The following OR10H5 variants were observed in gnomAD, a reference collection of about 807,000 sequenced individuals.
The protein encoded by OR10H5 is olfactory receptor 10H5.
Under a neutral mutation model 12.2 loss-of-function variants are expected in OR10H5, and 7 were observed. The ratio of observed to expected loss-of-function variants is 0.57; its 90% CI spans 0.33 to 1.07. OR10H5 has a LOEUF of 1.07. Among genes scored for constraint, OR10H5 ranks in the 50% least tolerant of loss-of-function variants. OR10H5 has a pLI of 0.04. For synonymous variants in OR10H5, 159 were observed against 175.1 expected (o/e 0.91, Z 0.73); for missense variants, 346 against 411.6 (o/e 0.84, Z 1.38).
intron 1 of OR10H5, among the ~76,000 whole-genome samples, chr19:15,789,350 G>A (rs1455467230): frequency 2.0e-5 from 3 of 152,190 alleles, no homozygotes; most frequent in Non-Finnish European, 2.9e-5. Context: ...GCATCTGTGT[G>A]TTCAGTTGTA....
At chr19:15,793,787 G>A (rs2088820291) in intron 1 of OR10H5, among the ~76,000 whole-genome samples, 1 of 152,164 alleles carries the variant, frequency 6.6e-6, no homozygotes, top group African/African-American at 2.4e-5. Context: ...GCTGAGGCAG[G>A]AGAATCACTT....
chr19:15,800,087 C>T lies in OR10H5; in HGVS notation c.*5091C>T, dbSNP rs1027214782. On this transcript the variant is annotated 3_prime_UTR_variant, in exon 2 of 2. Coordinates refer to ENST00000642092, the MANE Select transcript of OR10H5 (RefSeq NM_001004466.2). ...CCTTCGGTCTTCCTGAGGGTCACCT[C>T]CTCAGAAAGCTCTTTCCTGACTTCT... 1 of 152,178 alleles carries T rather than the reference C, an allele frequency of 6.6e-6. No individual in the cohort carries two copies. Among genetic ancestry groups the T allele is most frequent in the African/African-American group, 2.4e-5 (1 of 41,406 alleles). The allele number at this position is 152,178 out of a possible 1,614,324, so 9.4% of individuals were successfully genotyped here.
At position 15,794,683 on chromosome 19, in the gene OR10H5, T is replaced by C. The variant is rs2088829829; in HGVS notation, c.635T>C (p.Phe212Ser). ...TGTATCACGGCCCTGCTGGGCTGTT[T>C]TCTCCTCATCCTCCTCTCCTATGCC... ...LVCITALLGC[F>S]LLILLSYAFI... The change falls in exon 2 of 2, where the codon TTT (phenylalanine) becomes TCT (serine). Residue 212 changes from phenylalanine (F) to serine (S), a missense_variant. Coordinates refer to ENST00000642092, the MANE Select transcript of OR10H5 (RefSeq NM_001004466.2). 6.2e-7 allele frequency: 1 copy of C among 1,614,006 alleles called. No homozygotes were observed. Among genetic ancestry groups the C allele is most frequent in the African/African-American group, 1.3e-5 (1 of 74,934 alleles).
At chr19:15,793,758 A>C (rs1254993568) in intron 1 of OR10H5, among the ~76,000 whole-genome samples, 1 of 152,136 alleles carries the variant, frequency 6.6e-6, no homozygotes, top group Admixed American at 6.5e-5. Context: ...ACATGCCTGT[A>C]ATCCCAGCTA....
Position 15,795,185 on chromosome 19 carries a change from C to G in OR10H5, c.*189C>G. 1.8e-6 allele frequency: 1 copy of G among 557,086 alleles called. No homozygotes were observed. The highest frequency in any genetic ancestry group is 3.1e-6 in the Non-Finnish European group (1 of 327,484). The allele number at this position is 557,086 out of a possible 1,614,324, so 34.5% of individuals were successfully genotyped here. A position where few individuals can be genotyped will look rare whatever the true frequency, so the allele number is the denominator to read the frequency against. On this transcript the variant is annotated 3_prime_UTR_variant, in exon 2 of 2. Coordinates refer to ENST00000642092, the MANE Select transcript of OR10H5 (RefSeq NM_001004466.2). ...CACCCTCCCTCCCCCCTCCTCCTTG[C>G]CTTCCTTCCATCCTTCCTCCCTCCC...
chr19:15,795,195 ATCCT>A lies in OR10H5; in HGVS notation c.*204_*207del. The A allele has an allele frequency of 2.3e-6, 1 of 427,026 alleles. No individual in the cohort carries two copies. Among genetic ancestry groups the A allele is most frequent in the Non-Finnish European group, 3.9e-6 (1 of 253,770 alleles). 26.5% of individuals were successfully genotyped at this position (427,026 alleles called of 1,614,324 possible). On this transcript the variant is annotated 3_prime_UTR_variant, in exon 2 of 2. Coordinates refer to ENST00000642092, the MANE Select transcript of OR10H5 (RefSeq NM_001004466.2). Reference sequence around the variant, plus strand: ...CCCCCCTCCTCCTTGCCTTCCTTCCATCCTTCCTCCCTCCCTCCCTCCCCCTTCC... The same window carrying A: ...CCCCCCTCCTCCTTGCCTTCCTTCCATCCTCCCTCCCTCCCTCCCCCTTCC...
rs1026944414 is a variant in OR10H5, at chr19:15,797,495, G to T, written c.*2499G>T. 1.3e-5 allele frequency: 2 copies of T among 152,146 alleles called. No individual in the cohort carries two copies. Among genetic ancestry groups the T allele is most frequent in the African/African-American group, 4.8e-5 (2 of 41,434 alleles). The allele number at this position is 152,146 out of a possible 1,614,324, so 9.4% of individuals were successfully genotyped here. Reference sequence around the variant, plus strand: ...AAGCGAGCCAGCTTGCTGTAGTTTGGTTGACCAATGTCCATGCATTCTGAA... The same window carrying T: ...AAGCGAGCCAGCTTGCTGTAGTTTGTTTGACCAATGTCCATGCATTCTGAA... On this transcript the variant is annotated 3_prime_UTR_variant, in exon 2 of 2. Transcript: ENST00000642092.
chr19:15,787,667 G>C lies in OR10H5; in HGVS notation c.-61G>C, dbSNP rs2144924418. 6.6e-6 allele frequency: 1 copy of C among 152,460 alleles called. No individual in the cohort carries two copies. Among genetic ancestry groups the C allele is most frequent in the Admixed American group, 6.5e-5 (1 of 15,300 alleles). The allele number at this position is 152,460 out of a possible 1,614,324, so 9.4% of individuals were successfully genotyped here. Reference sequence around the variant, plus strand: ...TCTCACCCTGGGTGCACTGTGCCCAGGGCCATTACAGGCCTGGCTGCAAGG... The same window carrying C: ...TCTCACCCTGGGTGCACTGTGCCCACGGCCATTACAGGCCTGGCTGCAAGG... On this transcript the variant is annotated 5_prime_UTR_variant, in exon 1 of 2. Transcript: ENST00000642092.
chr19:15,792,452 A>G (rs887371233), intron 1 of OR10H5, among the ~76,000 whole-genome samples: 3 of 152,052 alleles, frequency 2.0e-5, no homozygotes, highest in African/African-American at 4.8e-5. Flanking sequence ...CCGGCCCTCA[A>G]TCTTAAATTC....
chr19:15,791,744 G>A (rs2088810326), intron 1 of OR10H5, among the ~76,000 whole-genome samples: 1 of 151,218 alleles, frequency 6.6e-6, no homozygotes, highest in African/African-American at 2.4e-5. Flanking sequence ...CCAGGCTGGA[G>A]TGCAGTGGCG....
chr19:15,793,966 T>C, intron 1 of OR10H5, 72 bp from the exon 2 acceptor site: 1 of 1,322,180 alleles, frequency 7.6e-7, no homozygotes, highest in East Asian at 2.3e-5. Flanking sequence ...TCAGATGTCC[T>C]CCCAGGTGGG....
chr19:15,791,702 T>A (rs1010888464), intron 1 of OR10H5, among the ~76,000 whole-genome samples: 11 of 151,964 alleles, frequency 7.2e-5, no homozygotes, highest in African/African-American at 2.6e-4. Context: ...ATTATTTTTT[T>A]TTTTTTTTGA....
intron 1 of OR10H5, among the ~76,000 whole-genome samples, chr19:15,792,827 T>G (rs1244665302): frequency 6.6e-6 from 1 of 152,118 alleles, no homozygotes; most frequent in Non-Finnish European, 1.5e-5. Context: ...ATGAGCATAA[T>G]CTTATTAAAT....
intron 1 of OR10H5, chr19:15,793,835 C>T: frequency 1.8e-6 from 1 of 562,002 alleles, no homozygotes; most frequent in Non-Finnish European, 3.2e-6. Context: ...GCTGAGATCA[C>T]ACCACTGCAC....
chr19:15,793,892 A>G lies in OR10H5; in HGVS notation c.-11-146A>G. The G allele has an allele frequency of 6.9e-6, 5 of 720,652 alleles. No individual in the cohort carries two copies. In the South Asian group the frequency reaches 9.7e-5, roughly 14 times the overall value. 44.6% of individuals were successfully genotyped at this position (720,652 alleles called of 1,614,324 possible). On this transcript the variant is annotated intron_variant, in intron 1 of 1. Transcript: ENST00000642092. ...AGACCCCATCTCAAAAACTAAAACT[A>G]AAAATAAATAACATATTTTTGCACA...
At chr19:15,788,021 G>C (rs2088790891) in intron 1 of OR10H5, among the ~76,000 whole-genome samples, 1 of 152,070 alleles carries the variant, frequency 6.6e-6, no homozygotes, top group Non-Finnish European at 1.5e-5. Context: ...GGTGGGGAGT[G>C]GTCTCTATAC....
chr19:15,791,238 C>G (rs1034185963), intron 1 of OR10H5, among the ~76,000 whole-genome samples: 3 of 151,888 alleles, frequency 2.0e-5, no homozygotes, highest in African/African-American at 7.3e-5. Flanking sequence ...CCGAGCTACT[C>G]GGGAGGCTGA....
chr19:15,789,310 G>C lies in OR10H5; in HGVS notation c.-12+1594G>C, dbSNP rs75885202. ...TGTGCATTTCAGAGCCAGTGCGACTGTGTGGCATTGCTCAGATCTGTCTGC... is the reference window on the plus strand; with the variant it reads ...TGTGCATTTCAGAGCCAGTGCGACTCTGTGGCATTGCTCAGATCTGTCTGC... On this transcript the variant is annotated intron_variant, in intron 1 of 1. Coordinates refer to ENST00000642092, the MANE Select transcript of OR10H5 (RefSeq NM_001004466.2). Among the ~76,000 whole-genome samples, 272 of 152,340 alleles carry C rather than the reference G, an allele frequency of 1.8e-3. 1 individual carries two copies. The highest frequency in any genetic ancestry group is 6.4e-3 in the African/African-American group (266 of 41,572).
rs371116539 is a variant in OR10H5 at position 15,794,985 on chromosome 19, C to T, written c.937C>T (p.Gln313Ter). ...KKTCFTKLFPQNC is the reference protein window; with the variant it reads ...KKTCFTKLFP The stretch of plus-strand genomic sequence containing the variant: ...GACTTGCTTCACCAAACTCTTTCCA[C>T]AGAACTGCTGAAATGGCTGACTTTC... Residue 313 changes from glutamine (Q) to a stop codon, truncating the protein, a stop_gained, in exon 2 of 2, where the codon CAG (glutamine) becomes TAG (stop). Coordinates refer to ENST00000642092, the MANE Select transcript of OR10H5 (RefSeq NM_001004466.2). LOFTEE classifies it high-confidence loss of function. 1.2e-6 allele frequency: 2 copies of T among 1,613,750 alleles called. No individual in the cohort carries two copies. The highest frequency in any genetic ancestry group is 1.3e-5 in the African/African-American group (1 of 74,942).
Sources: allele counts gnomAD v4.1 joint callset (sites outside exome capture counted in the v4.1 genomes callset), GRCh38; gene constraint gnomAD v4.1.1; transcripts MANE v1.5; gene names NCBI Gene and HGNC (gene_info 2026-07-23, HGNC 2026-07-21).